SCD5: variants seen among roughly 807,000 people sequenced by gnomAD.
The protein encoded by SCD5 is stearoyl-CoA desaturase 5.
Under a neutral mutation model 30.4 loss-of-function variants are expected in SCD5, and 20 were observed. The ratio of observed to expected loss-of-function variants is 0.66; its 90% CI spans 0.46 to 0.96. The LOEUF is 0.96. Among genes scored for constraint, SCD5 ranks in the 40% least tolerant of loss-of-function variants. The pLI is 0.00. For missense variants in SCD5, 381 were observed against 443.3 expected (o/e 0.86, Z 1.26); for synonymous variants, 173 against 176.4 (o/e 0.98, Z 0.16).
chr4:82,740,531 G>T (rs1340577461), intron 1 of SCD5, among the ~76,000 whole-genome samples: 2 of 152,204 alleles, frequency 1.3e-5, no homozygotes, highest in African/African-American at 4.8e-5. Flanking sequence ...GCTTTGGAGG[G>T]TATCATTCAT....
At chr4:82,721,387 C>T (rs1261731074) in intron 1 of SCD5, among the ~76,000 whole-genome samples, 1 of 152,078 alleles carries the variant, frequency 6.6e-6, no homozygotes, top group Non-Finnish European at 1.5e-5. Flanking sequence ...TCACAGAAAC[C>T]TAAAGACCCC....
chr4:82,781,465 T>G (rs754168119), intron 1 of SCD5, among the ~76,000 whole-genome samples: 14 of 152,054 alleles, frequency 9.2e-5, no homozygotes, highest in Non-Finnish European at 1.8e-4. Flanking sequence ...ACATCTCCTT[T>G]CCAAGAGAAG....
intron 1 of SCD5, among the ~76,000 whole-genome samples, chr4:82,770,091 T>G (rs1231114880): frequency 1.3e-5 from 2 of 152,198 alleles, no homozygotes; most frequent in Admixed American, 6.5e-5. Flanking sequence ...ACGTGCAGGT[T>G]TGTTACATAT....
At chr4:82,775,718 A>G (rs992537471) in intron 1 of SCD5, 4 of 152,232 alleles carry the variant, frequency 2.6e-5, no homozygotes, top group African/African-American at 9.7e-5. Context: ...TTAGCCAGGC[A>G]TGGTAGCACA....
intron 1 of SCD5, among the ~76,000 whole-genome samples, chr4:82,709,097 T>G (rs1014199549): frequency 6.6e-6 from 1 of 152,196 alleles, no homozygotes; most frequent in Non-Finnish European, 1.5e-5. Context: ...AGCCCACATC[T>G]AAATGCCCCT....
chr4:82,720,147 C>T (rs960898287), intron 1 of SCD5, among the ~76,000 whole-genome samples: 1 of 151,928 alleles, frequency 6.6e-6, no homozygotes, highest in African/African-American at 2.4e-5. Context: ...AAAAGAGAAA[C>T]GGCCAGGCAC....
intron 2 of SCD5, among the ~76,000 whole-genome samples, chr4:82,704,241 G>A (rs1036730122): frequency 3.5e-4 from 54 of 152,336 alleles, no homozygotes; most frequent in African/African-American, 1.0e-3. Flanking sequence ...CATGGCAGAG[G>A]TGGCCACATG....
chr4:82,635,643 A>G (rs1727411645), intron 4 of SCD5, among the ~76,000 whole-genome samples: 1 of 146,222 alleles, frequency 6.8e-6, no homozygotes, highest in African/African-American at 2.6e-5. Context: ...AAAAAGCAAC[A>G]TCACGAAGGC....
chr4:82,688,316 GGTGT>G (rs891423861), intron 2 of SCD5, among the ~76,000 whole-genome samples: 3 of 151,914 alleles, frequency 2.0e-5, no homozygotes, highest in East Asian at 1.9e-4. Flanking sequence ...GCGTGCGTGT[GGTGT>G]GTGTGTGTGT....
chr4:82,687,529 C>T (rs1460598283), intron 2 of SCD5, among the ~76,000 whole-genome samples: 1 of 152,216 alleles, frequency 6.6e-6, no homozygotes, highest in Non-Finnish European at 1.5e-5. Flanking sequence ...TGTTAATACA[C>T]CTTTATGTCA....
chr4:82,798,315 G>A lies in SCD5; in HGVS notation c.223C>T (p.Leu75=), dbSNP rs369204191. ...CGCCGGCGGGACTTACCCCAGAGCA[G>A]AGTGAGTGGCTTGGCTTTGGGGATG... ...VLIPKAKPLT[L]LWAYFCFLLA... Residue 75 remains leucine (L), a synonymous_variant, in exon 1 of 5, where the codon CTG becomes TTG. Transcript: ENST00000319540. The A allele has an allele frequency of 6.2e-7, 1 of 1,610,292 alleles. No individual in the cohort carries two copies. Among genetic ancestry groups the A allele is most frequent in the African/African-American group, 1.3e-5 (1 of 74,566 alleles).
At chr4:82,733,859 T>C (rs1030419496) in intron 1 of SCD5, among the ~76,000 whole-genome samples, 6 of 152,144 alleles carry the variant, frequency 3.9e-5, no homozygotes, top group South Asian at 2.1e-4. Context: ...AACTGCCCGA[T>C]GTAAGCAGAA....
intron 1 of SCD5, among the ~76,000 whole-genome samples, chr4:82,730,836 G>A (rs192133339): frequency 4.6e-5 from 7 of 152,022 alleles, no homozygotes; most frequent in South Asian, 2.1e-4. Context: ...CGCTTGCCTC[G>A]GCCTCCCAAA....
chr4:82,679,246 A>AAGAG (rs1560531660), intron 3 of SCD5, among the ~76,000 whole-genome samples: 6 of 90,608 alleles, frequency 6.6e-5, no homozygotes, highest in Non-Finnish European at 8.6e-5. Flanking sequence ...GAAAGAAAGA[A>AAGAG]AGAAAGAAAG....
At chr4:82,663,343 A>G (rs993380) in intron 3 of SCD5, among the ~76,000 whole-genome samples, 93,642 of 151,994 alleles carry the variant, frequency 0.62, 29,306 homozygotes, top group Middle Eastern at 0.72. Context: ...CGGACACAAA[A>G]GAGTTTGTAT....
chr4:82,717,639 G>T (rs1387538040), intron 1 of SCD5, among the ~76,000 whole-genome samples: 1 of 151,816 alleles, frequency 6.6e-6, no homozygotes, highest in Non-Finnish European at 1.5e-5. Flanking sequence ...CCTTTGGCCT[G>T]GTGCAGTGGC....
At chr4:82,798,009 G>C (rs1445349103) in intron 1 of SCD5, among the ~76,000 whole-genome samples, 1 of 150,844 alleles carries the variant, frequency 6.6e-6, no homozygotes, top group East Asian at 2.0e-4. Flanking sequence ...GGCACCGCAG[G>C]ACTCCGGGTC....
intron 1 of SCD5, among the ~76,000 whole-genome samples, chr4:82,781,079 A>G (rs1265113711): frequency 2.6e-5 from 4 of 152,154 alleles, no homozygotes; most frequent in Admixed American, 1.3e-4. Flanking sequence ...CAAAATAAAC[A>G]AGCACCAGCT....
At chr4:82,674,890 A>G (rs1296869849) in intron 3 of SCD5, among the ~76,000 whole-genome samples, 2 of 152,232 alleles carry the variant, frequency 1.3e-5, no homozygotes, top group Non-Finnish European at 2.9e-5. Flanking sequence ...TACATACAGT[A>G]TGATTCTAAC....
Sources: gnomAD v4.1 joint callset for allele counts (sites outside exome capture counted in the v4.1 genomes callset) on GRCh38, gnomAD v4.1.1 for gene constraint, MANE v1.5 for transcripts, NCBI Gene and HGNC (gene_info 2026-07-23, HGNC 2026-07-21) for gene names.